The following IQCM variants were observed in gnomAD, a reference collection of about 807,000 sequenced individuals.
The protein encoded by IQCM is IQ domain-containing protein M.
In IQCM, 45 loss-of-function variants were observed where a neutral mutation model predicts 57.6. The observed-to-expected ratio is 0.78, with a 90% CI of 0.62 to 1.00. IQCM has a LOEUF of 1.00. Among genes scored for constraint, IQCM ranks in the 50% least tolerant of loss-of-function variants. The pLI is 0.00. For synonymous variants in IQCM, 148 were observed against 158.9 expected (o/e 0.93, Z 0.51); for missense variants, 468 against 511.6 (o/e 0.91, Z 0.82).
chr4:149,650,281 G>A (rs1197836526), intron 7 of IQCM, among the ~76,000 whole-genome samples: 3 of 152,080 alleles, frequency 2.0e-5, no homozygotes, highest in East Asian at 1.9e-4. Flanking sequence ...TTAGAAATAT[G>A]CTTCTATGAG....
intron 12 of IQCM, among the ~76,000 whole-genome samples, chr4:149,449,979 C>G (rs1330161448): frequency 1.3e-5 from 2 of 151,736 alleles, no homozygotes; most frequent in African/African-American, 4.8e-5. Context: ...CTATGGTAAC[C>G]AAAATAGCAT....
chr4:149,732,551 C>T (rs1766557416), intron 5 of IQCM, among the ~76,000 whole-genome samples: 1 of 152,140 alleles, frequency 6.6e-6, no homozygotes, highest in South Asian at 2.1e-4. Context: ...GCTGTTTCTC[C>T]AGCTCTTAAC....
At chr4:149,741,633 G>A (rs906748128) in intron 3 of IQCM, among the ~76,000 whole-genome samples, 1 of 152,088 alleles carries the variant, frequency 6.6e-6, no homozygotes, top group African/African-American at 2.4e-5. Flanking sequence ...CACTGTCAGG[G>A]GTAACAGGAG....
chr4:149,760,594 G>A (rs1769413129), intron 2 of IQCM, among the ~76,000 whole-genome samples: 1 of 151,854 alleles, frequency 6.6e-6, no homozygotes, highest in Admixed American at 6.6e-5. Context: ...ATGCCTTTTA[G>A]GCCAGAAATA....
chr4:149,404,011 T>A (rs566946964), intron 13 of IQCM, among the ~76,000 whole-genome samples: 190 of 152,104 alleles, frequency 1.2e-3, no homozygotes, highest in Non-Finnish European at 2.1e-3. Context: ...TATCAAGTAT[T>A]AGCAAGCATT....
rs937403290 is a variant in IQCM at position 149,398,715 on chromosome 4, T to C, written c.1390+34681A>G. Among the ~76,000 whole-genome samples the C allele has an allele frequency of 4.6e-5, 7 of 151,502 alleles. No individual in the cohort carries two copies. The South Asian group carries it at 1.5e-3, about 32-fold the overall frequency. ...GTGTAGATGTACTATACTTTATTAT[T>C]ATTTTTTTTGAGACAGGGTCTAGCT... On this transcript the variant is annotated intron_variant, in intron 13 of 13. Transcript: ENST00000636793.
chr4:149,562,059 G>A (rs1750176553), intron 10 of IQCM, among the ~76,000 whole-genome samples: 1 of 152,158 alleles, frequency 6.6e-6, no homozygotes, highest in South Asian at 2.1e-4. Flanking sequence ...GTGTCAGGGG[G>A]TATCATGTGA....
chr4:149,710,596 C>T (rs1032820054), intron 5 of IQCM, among the ~76,000 whole-genome samples: 3 of 152,050 alleles, frequency 2.0e-5, no homozygotes, highest in Admixed American at 6.6e-5. Flanking sequence ...TCCAGGTAGA[C>T]GTAGGAACCG....
chr4:149,490,527 A>G (rs1741984757), intron 12 of IQCM, among the ~76,000 whole-genome samples: 1 of 152,122 alleles, frequency 6.6e-6, no homozygotes, highest in African/African-American at 2.4e-5. Flanking sequence ...GTAAGACTGG[A>G]AAAATGTTTT....
At chr4:149,388,540 A>G (rs1426791769) in intron 13 of IQCM, among the ~76,000 whole-genome samples, 4 of 133,458 alleles carry the variant, frequency 3.0e-5, no homozygotes, top group Non-Finnish European at 6.5e-5. Context: ...ATTATATATT[A>G]TATATAATAT....
At chr4:149,684,153 TAA>T (rs1380697567) in intron 6 of IQCM, among the ~76,000 whole-genome samples, 1 of 151,332 alleles carries the variant, frequency 6.6e-6, no homozygotes, top group East Asian at 1.9e-4. Flanking sequence ...ATCATCATCA[TAA>T]AGAGTATTTT....
At position 149,764,241 on chromosome 4, in the gene IQCM, G is replaced by A. The variant is rs535088316; in HGVS notation, c.-48-21502C>T. On this transcript the variant is annotated intron_variant, in intron 2 of 13. Coordinates refer to ENST00000636793, the MANE Select transcript of IQCM (RefSeq NM_001363507.2). Reference sequence around the variant, plus strand: ...GAATCTCTTTGGAATTTCCTTATCTGACCAAGAAAACATCTTTCCAAAGAA... The same window carrying A: ...GAATCTCTTTGGAATTTCCTTATCTAACCAAGAAAACATCTTTCCAAAGAA... Among the ~76,000 whole-genome samples the A allele has an allele frequency of 3.3e-5, 5 of 152,200 alleles. No homozygotes were observed. In the South Asian group the frequency reaches 1.0e-3, roughly 32 times the overall value.
intron 12 of IQCM, among the ~76,000 whole-genome samples, chr4:149,543,400 T>C (rs1247755196): frequency 6.6e-6 from 1 of 152,116 alleles, no homozygotes; most frequent in Non-Finnish European, 1.5e-5. Context: ...CAATTGCCCC[T>C]TCCTGTGTCC....
chr4:149,577,526 A>C (rs997813404), intron 9 of IQCM, among the ~76,000 whole-genome samples: 14 of 151,984 alleles, frequency 9.2e-5, no homozygotes, highest in Admixed American at 7.2e-4. Flanking sequence ...GCTTTGTCAA[A>C]GATCAGATGG....
intron 13 of IQCM, among the ~76,000 whole-genome samples, chr4:149,402,613 CTT>C (rs933700641): frequency 6.6e-6 from 1 of 151,670 alleles, no homozygotes; most frequent in Non-Finnish European, 1.5e-5. Context: ...AACAATGTTC[CTT>C]TTTTTGTGAC....
At chr4:149,591,599 C>T (rs1464710279) in intron 8 of IQCM, among the ~76,000 whole-genome samples, 1 of 152,000 alleles carries the variant, frequency 6.6e-6, no homozygotes, top group African/African-American at 2.4e-5. Flanking sequence ...CTATCCCTCC[C>T]CTCTCCTCCC....
intron 13 of IQCM, among the ~76,000 whole-genome samples, chr4:149,426,271 T>A (rs1204390369): frequency 1.3e-5 from 2 of 151,976 alleles, no homozygotes; most frequent in Non-Finnish European, 2.9e-5. Flanking sequence ...GTTTTCAAAG[T>A]TGACCACTGA....
At chr4:149,471,298 C>T (rs1051008191) in intron 12 of IQCM, among the ~76,000 whole-genome samples, 5 of 152,132 alleles carry the variant, frequency 3.3e-5, no homozygotes, top group Non-Finnish European at 1.5e-5. Context: ...CACCACCAAT[C>T]CCACAGAAAT....
At chr4:149,707,453 G>C (rs1283046573) in intron 5 of IQCM, among the ~76,000 whole-genome samples, 1 of 151,896 alleles carries the variant, frequency 6.6e-6, no homozygotes, top group Non-Finnish European at 1.5e-5. Context: ...AATCATACTG[G>C]GTCTGCCACG....
Sources: gnomAD v4.1 joint callset for allele counts (sites outside exome capture counted in the v4.1 genomes callset) on GRCh38, gnomAD v4.1.1 for gene constraint, MANE v1.5 for transcripts, NCBI Gene and HGNC (gene_info 2026-07-23, HGNC 2026-07-21) for gene names.